Variants in SLC4A10 observed in about 807,000 individuals in gnomAD.
The protein encoded by SLC4A10 is sodium-driven chloride bicarbonate exchanger.
Under a neutral mutation model 137.7 loss-of-function variants are expected in SLC4A10, and 42 were observed. The ratio of observed to expected loss-of-function variants is 0.30; its 90% CI spans 0.24 to 0.39. The LOEUF (loss-of-function observed/expected upper bound fraction) is 0.39, where lower values mean the gene tolerates loss of function less well. Among genes scored for constraint, SLC4A10 ranks in the 10% least tolerant of loss-of-function variants. The pLI, the probability that SLC4A10 is intolerant of heterozygous loss-of-function variation, is 1.00. For missense variants in SLC4A10, 925 were observed against 1,355.0 expected (o/e 0.68, Z 4.98); for synonymous variants, 474 against 464.1 (o/e 1.02, Z -0.27).
chr2:161,767,117 ATATATATATATATATATATATATGTG>A (rs1420972427), intron 1 of SLC4A10, among the ~76,000 whole-genome samples: 4 of 99,810 alleles, frequency 4.0e-5, no homozygotes, highest in Non-Finnish European at 8.1e-5. Context: ...ATATATATAT[ATATATATATATATATATATATATGTG>A]TGTGTGTGTG....
At chr2:161,752,895 GTTGAT>G (rs1215693159) in intron 1 of SLC4A10, among the ~76,000 whole-genome samples, 2 of 152,038 alleles carry the variant, frequency 1.3e-5, no homozygotes, top group South Asian at 2.1e-4. Context: ...AAATTGCTGA[GTTGAT>G]TTAAGTGTTT....
intron 5 of SLC4A10, among the ~76,000 whole-genome samples, chr2:161,861,363 T>G (rs1221338305): frequency 6.6e-6 from 1 of 152,174 alleles, no homozygotes; most frequent in East Asian, 1.9e-4. Context: ...AAATATATAT[T>G]TCCTTGTTGC....
chr2:161,668,178 C>T (rs1440224772), intron 1 of SLC4A10, among the ~76,000 whole-genome samples: 1 of 151,616 alleles, frequency 6.6e-6, no homozygotes, highest in Non-Finnish European at 1.5e-5. Context: ...TGTCATGAGT[C>T]CTGTTTAGGT....
intron 1 of SLC4A10, among the ~76,000 whole-genome samples, chr2:161,641,254 T>TTTG (rs2035285312): frequency 6.6e-6 from 1 of 152,182 alleles, no homozygotes; most frequent in African/African-American, 2.4e-5. Context: ...TTTATGTACT[T>TTTG]TCATTTATGT....
chr2:161,910,084 A>G (rs1328674388), intron 15 of SLC4A10, among the ~76,000 whole-genome samples: 1 of 152,190 alleles, frequency 6.6e-6, no homozygotes, highest in Non-Finnish European at 1.5e-5. Flanking sequence ...TATAATGTGC[A>G]TATTTGTTTG....
intron 10 of SLC4A10, among the ~76,000 whole-genome samples, chr2:161,886,878 G>A (rs58326818): frequency 0.068 from 10,390 of 151,958 alleles, 456 homozygotes; most frequent in East Asian, 0.13. Flanking sequence ...TGCCATGGTG[G>A]TTTGCTGCAC....
chr2:161,750,492 G>A (rs965511458), intron 1 of SLC4A10, among the ~76,000 whole-genome samples: 4 of 151,586 alleles, frequency 2.6e-5, no homozygotes, highest in African/African-American at 9.7e-5. Flanking sequence ...CTTTGTTTCA[G>A]TGATTATTCA....
At chr2:161,978,053 A>T (rs1699663443) in intron 26 of SLC4A10, among the ~76,000 whole-genome samples, 1 of 152,224 alleles carries the variant, frequency 6.6e-6, no homozygotes, top group Admixed American at 6.5e-5. Flanking sequence ...ATGGCATCAA[A>T]TTTCTGGATA....
chr2:161,938,490 A>T (rs1692002058), intron 15 of SLC4A10, among the ~76,000 whole-genome samples: 1 of 151,086 alleles, frequency 6.6e-6, no homozygotes, highest in Admixed American at 6.6e-5. Context: ...ATAGATTATT[A>T]TTATTATAGA....
intron 1 of SLC4A10, among the ~76,000 whole-genome samples, chr2:161,652,094 T>G (rs937659086): frequency 6.6e-6 from 1 of 152,202 alleles, no homozygotes; most frequent in Non-Finnish European, 1.5e-5. Flanking sequence ...CTTTCATGCT[T>G]TACTCTTTAG....
intron 1 of SLC4A10, among the ~76,000 whole-genome samples, chr2:161,769,868 A>G (rs1451514060): frequency 2.6e-5 from 4 of 151,846 alleles, no homozygotes; most frequent in Non-Finnish European, 1.5e-5. Context: ...ACTACATATT[A>G]TGGCACTCTG....
intron 1 of SLC4A10, among the ~76,000 whole-genome samples, chr2:161,644,670 T>C (rs1391281475): frequency 6.6e-6 from 1 of 152,238 alleles, no homozygotes; most frequent in East Asian, 1.9e-4. Context: ...CATTTTGATG[T>C]GCTCACAGTA....
intron 3 of SLC4A10, among the ~76,000 whole-genome samples, chr2:161,814,385 T>C (rs2056853818): frequency 6.6e-6 from 1 of 152,128 alleles, no homozygotes; most frequent in African/African-American, 2.4e-5. Flanking sequence ...CTCGAAGAAC[T>C]TAAAACAGAA....
intron 1 of SLC4A10, among the ~76,000 whole-genome samples, chr2:161,662,573 C>T (rs1314245998): frequency 6.6e-6 from 1 of 152,168 alleles, no homozygotes; most frequent in Non-Finnish European, 1.5e-5. Flanking sequence ...CATCTTGACT[C>T]ATGGTTAATC....
intron 1 of SLC4A10, among the ~76,000 whole-genome samples, chr2:161,671,637 G>A (rs774692095): frequency 6.6e-6 from 1 of 152,052 alleles, no homozygotes; most frequent in Non-Finnish European, 1.5e-5. Context: ...TCAGCGTCAT[G>A]CAAAAAGCCT....
intron 1 of SLC4A10, 132 bp downstream of exon 1, chr2:161,624,698 G>T: frequency 2.5e-6 from 3 of 1,223,198 alleles, no homozygotes; most frequent in South Asian, 1.4e-5. Context: ...ATGGACAGGG[G>T]TCTCCTCCCA....
chr2:161,831,913 T>C (rs2058459016), intron 3 of SLC4A10, among the ~76,000 whole-genome samples: 1 of 152,208 alleles, frequency 6.6e-6, no homozygotes, highest in African/African-American at 2.4e-5. Flanking sequence ...ATCCTTTATG[T>C]TCCCAAACAT....
At chr2:161,797,593 T>C (rs2054913653) in intron 2 of SLC4A10, among the ~76,000 whole-genome samples, 1 of 152,042 alleles carries the variant, frequency 6.6e-6, no homozygotes, top group African/African-American at 2.4e-5. Flanking sequence ...ATGTCCAGGA[T>C]TAAGCTGTTT....
At chr2:161,938,025 C>A (rs938917112) in intron 15 of SLC4A10, among the ~76,000 whole-genome samples, 10 of 152,066 alleles carry the variant, frequency 6.6e-5, no homozygotes, top group Non-Finnish European at 1.3e-4. Flanking sequence ...ATAATCCCAG[C>A]ACTTTGGGAG....
Sources: allele counts gnomAD v4.1 joint callset (sites outside exome capture counted in the v4.1 genomes callset), GRCh38; gene constraint gnomAD v4.1.1; transcripts MANE v1.5; gene names NCBI Gene and HGNC (gene_info 2026-07-23, HGNC 2026-07-21).